The following EXOC4 variants were observed in gnomAD, a reference collection of about 807,000 sequenced individuals.
EXOC4 encodes the protein exocyst complex component 4, also known as SEC8-like 1.
EXOC4 carries 71 observed loss-of-function variants against 107.2 expected under a neutral mutation model. The ratio of observed to expected loss-of-function variants is 0.66; its 90% CI spans 0.55 to 0.81. The LOEUF (loss-of-function observed/expected upper bound fraction) is 0.81. Ranked by LOEUF, EXOC4 falls within the 30% of genes least tolerant of loss-of-function variation. EXOC4 has a pLI of 0.00. For missense variants in EXOC4, 1,108 were observed against 1,189.6 expected (o/e 0.93, Z 1.01); for synonymous variants, 456 against 441.2 (o/e 1.03, Z -0.42).
intron 11 of EXOC4, among the ~76,000 whole-genome samples, chr7:133,858,061 C>A (rs903103461): frequency 1.2e-4 from 18 of 151,968 alleles, no homozygotes; most frequent in African/African-American, 4.4e-4. Flanking sequence ...AGAAGCGTCA[C>A]CAGTGTTCAC....
At chr7:133,727,381 AC>A (rs1410936611) in intron 10 of EXOC4, 1 of 159,558 alleles carries the variant, frequency 6.3e-6, no homozygotes, top group East Asian at 1.9e-4. Context: ...ACCTGCTGGG[AC>A]ACCACCTTCT....
chr7:134,051,790 C>T lies in EXOC4; in HGVS notation c.2688-12501C>T, dbSNP rs183692624. 3.3e-5 allele frequency among the ~76,000 whole-genome samples: 5 copies of T among 152,130 alleles called. No individual in the cohort carries two copies. In the East Asian group the frequency reaches 9.7e-4, roughly 30 times the overall value. Reference sequence around the variant, plus strand: ...CACGAGGTCAGGAGATCGAGACCATCCTGGCTAACACAGTGAAACCCTGTG... The same window carrying T: ...CACGAGGTCAGGAGATCGAGACCATTCTGGCTAACACAGTGAAACCCTGTG... On this transcript the variant is annotated intron_variant, in intron 17 of 17. Coordinates refer to ENST00000253861, the MANE Select transcript of EXOC4 (RefSeq NM_021807.4).
intron 10 of EXOC4, among the ~76,000 whole-genome samples, chr7:133,796,748 C>T (rs1249419374): frequency 6.6e-6 from 1 of 152,166 alleles, no homozygotes; most frequent in Non-Finnish European, 1.5e-5. Flanking sequence ...CAGAGCAAGA[C>T]TCCATTTCAA....
At chr7:133,739,790 CA>C (rs1795526171) in intron 10 of EXOC4, among the ~76,000 whole-genome samples, 1 of 152,180 alleles carries the variant, frequency 6.6e-6, no homozygotes, top group African/African-American at 2.4e-5. Flanking sequence ...GCCACCAAAG[CA>C]AATAAGCCTT....
chr7:133,408,631 A>G (rs1172274697), intron 7 of EXOC4, among the ~76,000 whole-genome samples: 1 of 152,066 alleles, frequency 6.6e-6, no homozygotes, highest in Non-Finnish European at 1.5e-5. Flanking sequence ...CTTTTGTCCT[A>G]ACCTCTGGGA....
In EXOC4 at chr7:133,404,904, G is replaced by A. The variant is rs113971119; in HGVS notation, c.1182+29902G>A. Among the ~76,000 whole-genome samples, 215 of 111,340 alleles carry A rather than the reference G, an allele frequency of 1.9e-3. 1 individual carries two copies. Among genetic ancestry groups the A allele is most frequent in the Non-Finnish European group, 2.8e-3 (158 of 57,020 alleles). The allele number at this position is 111,340 out of a possible 152,430, so 73.0% of individuals were successfully genotyped here. ...CCCCAATACACACACACACACACAC[G>A]CACACACACACACACACACATTAGT... On this transcript the variant is annotated intron_variant, in intron 7 of 17. Coordinates refer to ENST00000253861, the MANE Select transcript of EXOC4 (RefSeq NM_021807.4).
intron 10 of EXOC4, among the ~76,000 whole-genome samples, chr7:133,809,017 A>T (rs1024244031): frequency 2.4e-5 from 3 of 124,924 alleles, no homozygotes; most frequent in African/African-American, 5.5e-5. Flanking sequence ...AGGGTGTTTC[A>T]TTCTCATTCT....
intron 10 of EXOC4, among the ~76,000 whole-genome samples, chr7:133,634,835 C>T (rs1466065002): frequency 5.3e-5 from 8 of 152,040 alleles, no homozygotes; most frequent in African/African-American, 1.7e-4. Flanking sequence ...TGAACAAAAC[C>T]GTATTAAAAC....
intron 10 of EXOC4, among the ~76,000 whole-genome samples, chr7:133,654,036 G>C (rs1803227363): frequency 6.6e-6 from 1 of 152,156 alleles, no homozygotes; most frequent in South Asian, 2.1e-4. Flanking sequence ...CCCCCTTTGG[G>C]ACTCATAAAA....
At chr7:133,478,100 T>A (rs1799061619) in intron 8 of EXOC4, among the ~76,000 whole-genome samples, 1 of 151,360 alleles carries the variant, frequency 6.6e-6, no homozygotes, top group South Asian at 2.1e-4. Flanking sequence ...CTGTCTCAGA[T>A]GCGCCTAAGC....
At chr7:133,791,105 A>G (rs893124676) in intron 10 of EXOC4, among the ~76,000 whole-genome samples, 3 of 152,214 alleles carry the variant, frequency 2.0e-5, no homozygotes, top group Admixed American at 6.5e-5. Flanking sequence ...ATATTGAACA[A>G]TGGATCCACT....
intron 9 of EXOC4, among the ~76,000 whole-genome samples, chr7:133,498,454 A>G (rs372408246): frequency 3.9e-5 from 6 of 152,120 alleles, no homozygotes; most frequent in South Asian, 4.1e-4. Context: ...GTGTGGTGGC[A>G]GGCACCTGTA....
intron 10 of EXOC4, among the ~76,000 whole-genome samples, chr7:133,697,721 G>T (rs1794567233): frequency 6.6e-6 from 1 of 152,178 alleles, no homozygotes; most frequent in Admixed American, 6.5e-5. Flanking sequence ...AGCATGTGGT[G>T]CAGGATTGGG....
At chr7:133,857,379 T>A (rs1463068249) in intron 11 of EXOC4, among the ~76,000 whole-genome samples, 2 of 94,786 alleles carry the variant, frequency 2.1e-5, no homozygotes, top group Non-Finnish European at 4.1e-5. Context: ...TACCTCTACT[T>A]AACCTCCCTG....
intron 10 of EXOC4, among the ~76,000 whole-genome samples, chr7:133,653,974 C>T (rs949379533): frequency 2.6e-5 from 4 of 152,078 alleles, no homozygotes; most frequent in Non-Finnish European, 4.4e-5. Flanking sequence ...GAAACCTAGT[C>T]GGGAAAGGTA....
At chr7:133,880,767 G>A (rs935744999) in intron 11 of EXOC4, among the ~76,000 whole-genome samples, 3 of 152,026 alleles carry the variant, frequency 2.0e-5, no homozygotes, top group Non-Finnish European at 2.9e-5. Context: ...GATTATGTTC[G>A]TCACAGATTT....
At position 133,808,351 on chromosome 7, in the gene EXOC4, A is replaced by G. The variant is rs137961131; in HGVS notation, c.1515-8974A>G. On this transcript the variant is annotated intron_variant, in intron 10 of 17. Transcript: ENST00000253861. ...GATTTTTTTTCGGTTTTCATGTTCC[A>G]CTGATTTATGGTCTTAAATATGCCT... 6.3e-4 allele frequency among the ~76,000 whole-genome samples: 96 copies of G among 152,268 alleles called. 2 individuals are homozygous for G. The highest frequency in any genetic ancestry group is 5.0e-3 in the Admixed American group (76 of 15,294).
chr7:133,369,063 G>A (rs1018213839), intron 6 of EXOC4, among the ~76,000 whole-genome samples: 4 of 152,274 alleles, frequency 2.6e-5, no homozygotes, highest in Middle Eastern at 6.8e-3. Flanking sequence ...TTTCACTGGG[G>A]CATTGTGTTT....
chr7:133,870,034 G>A (rs1471560649), intron 11 of EXOC4, among the ~76,000 whole-genome samples: 6 of 152,122 alleles, frequency 3.9e-5, no homozygotes, highest in Admixed American at 6.6e-5. Flanking sequence ...TGGATCTTGC[G>A]CTAATCTTTC....
Sources: allele counts gnomAD v4.1 joint callset (sites outside exome capture counted in the v4.1 genomes callset), GRCh38; gene constraint gnomAD v4.1.1; transcripts MANE v1.5; gene names NCBI Gene and HGNC (gene_info 2026-07-23, HGNC 2026-07-21).